Variants in GRTP1 observed in about 807,000 individuals in gnomAD.
GRTP1 encodes growth hormone regulated TBC protein 1.
A neutral mutation model predicts 38.1 loss-of-function variants in GRTP1; 56 were observed. The ratio of observed to expected loss-of-function variants is 1.47; its 90% CI spans 1.19 to 1.84. GRTP1 has a LOEUF of 1.84. Ranked by LOEUF, GRTP1 falls within the 40% of genes most tolerant of loss-of-function variation. GRTP1 has a pLI of 0.00. For missense variants in GRTP1, 506 were observed against 453.9 expected, an observed-to-expected ratio of 1.11 and a Z score of -1.04; for synonymous variants, 217 against 189.5, an observed-to-expected ratio of 1.14 and a Z score of -1.19.
chr13:113,345,073 A>C, intron 4 of GRTP1, 114 bp from the exon 5 acceptor site: 1 of 1,178,168 alleles, frequency 8.5e-7, no homozygotes, highest in South Asian at 1.6e-5. Context: ...TCTCCTTAAA[A>C]CCTGCATAAT....
chr13:113,324,408 G>C lies in GRTP1; in HGVS notation c.*80C>G, dbSNP rs1020632404. 5.2e-5 allele frequency: 74 copies of C among 1,430,440 alleles called. 2 individuals are homozygous for C. Among genetic ancestry groups the C allele is most frequent in the Non-Finnish European group, 6.8e-5 (74 of 1,087,214 alleles). The allele number at this position is 1,430,440 out of a possible 1,614,324, so 88.6% of individuals were successfully genotyped here. On this transcript the variant is annotated 3_prime_UTR_variant, in exon 8 of 8. Transcript: ENST00000375431. The stretch of plus-strand genomic sequence containing the variant: ...AGTATTTACAACACTAAAAAGGAAA[G>C]CAGTGAAAGTTGGTCCAGTGTCAAC...
intron 5 of GRTP1, among the ~76,000 whole-genome samples, chr13:113,344,118 A>G (rs2043064289): frequency 6.6e-6 from 1 of 152,276 alleles, no homozygotes; most frequent in East Asian, 1.9e-4. Context: ...ATGGATATAT[A>G]TAGCGCAATT....
At chr13:113,360,799 T>C (rs185553800) in intron 2 of GRTP1, among the ~76,000 whole-genome samples, 146 of 152,336 alleles carry the variant, frequency 9.6e-4, no homozygotes, top group African/African-American at 3.3e-3. Flanking sequence ...GCTACCATAA[T>C]TACATGGTCC....
chr13:113,356,717 T>C (rs2043394409), intron 2 of GRTP1, among the ~76,000 whole-genome samples: 1 of 152,176 alleles, frequency 6.6e-6, no homozygotes, highest in Admixed American at 6.5e-5. Flanking sequence ...AACTCATAAC[T>C]TTATAGGCTA....
In GRTP1 at chr13:113,348,564, C is replaced by A. The variant is rs1353627470; in HGVS notation, c.465+2285G>T. On this transcript the variant is annotated intron_variant, in intron 4 of 7. Transcript: ENST00000375431. The surrounding 1 kb of genome is among the most constrained non-coding windows in gnomAD (Gnocchi z 4.8). The stretch of plus-strand genomic sequence containing the variant: ...ATTGGGACCTTGTTTGGGAAAAAGA[C>A]TGTTGCAGATGTCATTACGGATGGG... 1.3e-5 allele frequency among the ~76,000 whole-genome samples: 2 copies of A among 152,162 alleles called. No individual in the cohort carries two copies. Among genetic ancestry groups the A allele is most frequent in the African/African-American group, 4.8e-5 (2 of 41,442 alleles).
At chr13:113,344,722 AAAAAAAAAAAAAAC>A (rs1309507317) in intron 5 of GRTP1, 127 bp downstream of exon 5, 3 of 408,066 alleles carry the variant, frequency 7.4e-6, no homozygotes, top group African/African-American at 4.4e-5. Context: ...CAAAAAAAAA[AAAAAAAAAAAAAAC>A]GGTTTGTAAC....
At chr13:113,333,262 G>A (rs1009680262) in intron 5 of GRTP1, among the ~76,000 whole-genome samples, 5 of 152,176 alleles carry the variant, frequency 3.3e-5, no homozygotes, top group East Asian at 1.9e-4. Flanking sequence ...GGTTCCTCAC[G>A]TGTAACCCGG....
intron 5 of GRTP1, among the ~76,000 whole-genome samples, chr13:113,337,833 T>C (rs1254094823): frequency 6.6e-6 from 1 of 152,230 alleles, no homozygotes; most frequent in Non-Finnish European, 1.5e-5. Flanking sequence ...GCACCTCCGA[T>C]GTGGCAATTG....
At chr13:113,335,814 T>C (rs2042947172) in intron 5 of GRTP1, among the ~76,000 whole-genome samples, 1 of 151,824 alleles carries the variant, frequency 6.6e-6, no homozygotes, top group Admixed American at 6.6e-5. Flanking sequence ...CTTTTTGAGA[T>C]GGAGTCTTGC....
At chr13:113,346,354 A>G (rs371200508) in intron 4 of GRTP1, among the ~76,000 whole-genome samples, 214 of 1,812 alleles carry the variant, frequency 0.12, 41 homozygotes, top group South Asian at 0.2. Flanking sequence ...GAGCGGACCC[A>G]GGAGGACCTC....
At chr13:113,354,999 C>G (rs1325196200) in intron 3 of GRTP1, among the ~76,000 whole-genome samples, 1 of 152,244 alleles carries the variant, frequency 6.6e-6, no homozygotes, top group Non-Finnish European at 1.5e-5. Context: ...CCGAAGGCCG[C>G]GTGAACAGTG....
rs2043048969 is a variant in GRTP1 at position 113,343,143 on chromosome 13, C to G, written c.562+1720G>C. Among the ~76,000 whole-genome samples, 1 of 152,180 alleles carries G rather than the reference C, an allele frequency of 6.6e-6. No individual in the cohort carries two copies. Among genetic ancestry groups the G allele is most frequent in the Non-Finnish European group, 1.5e-5 (1 of 68,024 alleles). The stretch of plus-strand genomic sequence containing the variant: ...ATGGCCCACGGCTGTGAAGATTCGC[C>G]ATGATTTGCACTCAGACATAACCGA... On this transcript the variant is annotated intron_variant, in intron 5 of 7. Coordinates refer to ENST00000375431, the MANE Select transcript of GRTP1 (RefSeq NM_024719.4). This position sits in a 1 kb window ranked among gnomAD's most constrained non-coding sequence, Gnocchi z 4.8.
In GRTP1 at chr13:113,342,670, G is replaced by A. The variant is rs1203122768; in HGVS notation, c.562+2193C>T. ...GGATGGATTTTAGAGCAGGATGACT[G>A]TGGCACTGAAACGACCTACTTCGGT... On this transcript the variant is annotated intron_variant, in intron 5 of 7. Coordinates refer to ENST00000375431, the MANE Select transcript of GRTP1 (RefSeq NM_024719.4). This position sits in a 1 kb window ranked among gnomAD's most constrained non-coding sequence, Gnocchi z 4.5. Among the ~76,000 whole-genome samples the A allele has an allele frequency of 6.6e-6, 1 of 152,092 alleles. No individual in the cohort carries two copies. Among genetic ancestry groups the A allele is most frequent in the Non-Finnish European group, 1.5e-5 (1 of 68,024 alleles).
At chr13:113,346,165 A>C (rs2043116719) in intron 4 of GRTP1, among the ~76,000 whole-genome samples, 1 of 145,038 alleles carries the variant, frequency 6.9e-6, no homozygotes, top group Non-Finnish European at 1.5e-5. Context: ...TCTGTGCCTG[A>C]CAGTGGACCC....
chr13:113,331,551 C>T (rs965135426), intron 5 of GRTP1, among the ~76,000 whole-genome samples: 6 of 152,052 alleles, frequency 3.9e-5, no homozygotes, highest in African/African-American at 1.4e-4. Context: ...CCTGAGAAGA[C>T]TTCGGCGTGG....
At chr13:113,354,856 A>T (rs1405187101) in intron 3 of GRTP1, among the ~76,000 whole-genome samples, 1 of 151,984 alleles carries the variant, frequency 6.6e-6, no homozygotes, top group Admixed American at 6.5e-5. Flanking sequence ...TAGCACTCTG[A>T]ACTTCTGAGA....
At chr13:113,346,074 C>CAG (rs1566429030) in intron 4 of GRTP1, among the ~76,000 whole-genome samples, 31 of 5,984 alleles carry the variant, frequency 5.2e-3, no homozygotes, top group African/African-American at 0.011. Context: ...ACCTCTGCGG[C>CAG]TGAGCAGACC....
chr13:113,338,163 T>C (rs1447927079), intron 5 of GRTP1, among the ~76,000 whole-genome samples: 2 of 152,112 alleles, frequency 1.3e-5, no homozygotes, highest in Non-Finnish European at 2.9e-5. Flanking sequence ...CCGGGACCCA[T>C]CGCCCGCCCG....
At position 113,348,051 on chromosome 13, in the gene GRTP1, T is replaced by C. The variant is rs796108649; in HGVS notation, c.465+2798A>G. 1.3e-5 allele frequency among the ~76,000 whole-genome samples: 2 copies of C among 151,266 alleles called. No homozygotes were observed. The highest frequency in any genetic ancestry group is 4.9e-5 in the African/African-American group (2 of 41,112). Reference sequence around the variant, plus strand: ...GTCTGGCCGAGTGGACCCGGGAGGATCTCCGTGGCTGAGAATGGACCCCTT... The same window carrying C: ...GTCTGGCCGAGTGGACCCGGGAGGACCTCCGTGGCTGAGAATGGACCCCTT... On this transcript the variant is annotated intron_variant, in intron 4 of 7. Coordinates refer to ENST00000375431, the MANE Select transcript of GRTP1 (RefSeq NM_024719.4). This position sits in a 1 kb window ranked among gnomAD's most constrained non-coding sequence, Gnocchi z 4.8.
Sources: gnomAD v4.1 joint callset for allele counts (sites outside exome capture counted in the v4.1 genomes callset) on GRCh38, gnomAD v4.1.1 for gene constraint, Gnocchi (gnomAD v3.1) non-coding constraint, MANE v1.5 for transcripts, NCBI Gene and HGNC (gene_info 2026-07-23, HGNC 2026-07-21) for gene names.